Variants in ASAP3 observed in about 807,000 individuals in gnomAD.
ASAP3 encodes the protein ArfGAP with SH3 domain, ankyrin repeat and PH domain 3, also known as arf-GAP with SH3 domain, ANK repeat and PH domain-containing protein 3.
ASAP3 carries 85 observed loss-of-function variants against 118.2 expected under a neutral mutation model. The observed-to-expected ratio is 0.72, with a 90% CI of 0.60 to 0.86. ASAP3 has a LOEUF of 0.86. Ranked by LOEUF, ASAP3 falls within the 40% of genes least tolerant of loss-of-function variation. The pLI, the probability that ASAP3 is intolerant of heterozygous loss-of-function variation, is 0.00. For synonymous variants in ASAP3, 432 were observed against 477.4 expected, an observed-to-expected ratio of 0.90 and a Z score of 1.24; for missense variants, 1,026 against 1,175.0, an observed-to-expected ratio of 0.87 and a Z score of 1.85.
rs977348978 is a variant in ASAP3, at chr1:23,434,375, G to A, written c.1836-6C>T. 1.2e-6 allele frequency: 2 copies of A among 1,614,104 alleles called. No individual in the cohort carries two copies. The highest frequency in any genetic ancestry group is 1.3e-5 in the African/African-American group (1 of 75,036). On this transcript the variant is annotated splice_polypyrimidine_tract_variant and splice_region_variant and intron_variant, in intron 18 of 24. Coordinates refer to ENST00000336689, the MANE Select transcript of ASAP3 (RefSeq NM_017707.4). ...CCTTGGCATCCAGGTGACCACTGGG[G>A]AGAGGAGGGTTCAGGGAGAAAGGAA... is the stretch of plus-strand genomic sequence containing the variant.
rs377437701 is a variant in ASAP3, at chr1:23,484,176, C to A, written c.-43G>T. The A allele has an allele frequency of 1.9e-3, 2,364 of 1,238,804 alleles. 35 individuals are homozygous for A. In the African/African-American group the frequency reaches 0.032, roughly 17 times the overall value. 76.7% of individuals were successfully genotyped at this position (1,238,804 alleles called of 1,614,324 possible). On this transcript the variant is annotated 5_prime_UTR_variant, in exon 1 of 25. Coordinates refer to ENST00000336689, the MANE Select transcript of ASAP3 (RefSeq NM_017707.4). ...AGCTGCCGGAGCGGGGCGCGGGGGG[C>A]ACTGAGCTGCTCCGCGCTGAGCCGG... is the stretch of plus-strand genomic sequence containing the variant.
intron 1 of ASAP3, among the ~76,000 whole-genome samples, chr1:23,476,353 CAA>C (rs796975962): frequency 3.1e-5 from 4 of 130,364 alleles, no homozygotes; most frequent in Admixed American, 7.7e-5. Flanking sequence ...CCCAATCAAA[CAA>C]AAAAAAAAAA....
Position 23,436,524 on chromosome 1 carries a change from T to C in ASAP3, c.1571+36A>G, listed in dbSNP as rs1640660666. ...TGGACACTGCGGAGGCAGAATCCCC[T>C]AGGCAGGGTGCCCCTCTCTCTGAGA... On this transcript the variant is annotated intron_variant, in intron 16 of 24. Transcript: ENST00000336689. The surrounding 1 kb of genome is among the most constrained non-coding windows in gnomAD (Gnocchi z 4.2). 4.4e-6 allele frequency: 7 copies of C among 1,608,408 alleles called. No homozygotes were observed. Among genetic ancestry groups the C allele is most frequent in the Non-Finnish European group, 6.0e-6 (7 of 1,174,850 alleles).
intron 1 of ASAP3, among the ~76,000 whole-genome samples, chr1:23,463,989 TTTG>T (rs1366984619): frequency 2.6e-5 from 4 of 152,026 alleles, no homozygotes; most frequent in Non-Finnish European, 5.9e-5. Flanking sequence ...CTTACTGTGG[TTTG>T]TTTTCTGCCT....
intron 1 of ASAP3, among the ~76,000 whole-genome samples, chr1:23,456,764 A>G (rs1641401300): frequency 6.6e-6 from 1 of 152,178 alleles, no homozygotes; most frequent in Non-Finnish European, 1.5e-5. Context: ...ATGTCAGGAC[A>G]AGGAGGAAGA....
chr1:23,437,392 A>C lies in ASAP3; in HGVS notation c.1151+32T>G. The C allele has an allele frequency of 6.2e-7, 1 of 1,612,744 alleles. No individual in the cohort carries two copies. Among genetic ancestry groups the C allele is most frequent in the Non-Finnish European group, 8.5e-7 (1 of 1,179,316 alleles). On this transcript the variant is annotated intron_variant, in intron 13 of 24. Coordinates refer to ENST00000336689, the MANE Select transcript of ASAP3 (RefSeq NM_017707.4). The surrounding 1 kb of genome is among the most constrained non-coding windows in gnomAD (Gnocchi z 6.1). The stretch of plus-strand genomic sequence containing the variant: ...ATAGGGCCGCCGGCCCCCACCCACA[A>C]GGCTGGCCGGGCTGGCCGAGGGGGC...
chr1:23,442,095 CAA>C, intron 7 of ASAP3, 89 bp downstream of exon 7: 1 of 1,372,550 alleles, frequency 7.3e-7, no homozygotes, highest in Non-Finnish European at 1.0e-6. Context: ...TGCAGGCCTC[CAA>C]AGAGACTCTC....
chr1:23,447,419 A>C (rs570795449), intron 5 of ASAP3, among the ~76,000 whole-genome samples: 2 of 152,362 alleles, frequency 1.3e-5, no homozygotes, highest in African/African-American at 4.8e-5. Flanking sequence ...GAAAAAGCAC[A>C]GATTACATTT....
chr1:23,455,150 G>A (rs1008690669), intron 3 of ASAP3, among the ~76,000 whole-genome samples: 13 of 152,172 alleles, frequency 8.5e-5, no homozygotes, highest in African/African-American at 1.9e-4. Flanking sequence ...GTGTGACCTC[G>A]GGCAAGCTGC....
chr1:23,462,390 C>T (rs1232744409), intron 1 of ASAP3, among the ~76,000 whole-genome samples: 1 of 151,876 alleles, frequency 6.6e-6, no homozygotes, highest in African/African-American at 2.4e-5. Context: ...AGATACCATT[C>T]CCGTCCCTAC....
intron 1 of ASAP3, among the ~76,000 whole-genome samples, chr1:23,467,795 C>CA (rs1212813444): frequency 2.0e-5 from 3 of 150,944 alleles, no homozygotes; most frequent in African/African-American, 7.3e-5. Flanking sequence ...ACTAAAAATA[C>CA]AAAAAAAATT....
rs1463153733 is a variant in ASAP3, at chr1:23,438,262, C to T, written c.1102+485G>A. On this transcript the variant is annotated intron_variant, in intron 12 of 24. Coordinates refer to ENST00000336689, the MANE Select transcript of ASAP3 (RefSeq NM_017707.4). The surrounding 1 kb of genome is among the most constrained non-coding windows in gnomAD (Gnocchi z 4.9). ...GCTATATCTGCACCCATCTTCTGGA[C>T]AGCCCCCTCATCTTACAGTCCTGGG... Among the ~76,000 whole-genome samples, 1 of 152,146 alleles carries T rather than the reference C, an allele frequency of 6.6e-6. No individual in the cohort carries two copies. Among genetic ancestry groups the T allele is most frequent in the African/African-American group, 2.4e-5 (1 of 41,430 alleles).
Position 23,441,098 on chromosome 1 carries a change from T to G in ASAP3, c.944+4A>C, listed in dbSNP as rs1396672013. Reference sequence around the variant, plus strand: ...GCAAATTATGTAAGCTCTGAATCACTTACCCGTCACTTTTCTTGTATAGAA... The same window carrying G: ...GCAAATTATGTAAGCTCTGAATCACGTACCCGTCACTTTTCTTGTATAGAA... On this transcript the variant is annotated splice_donor_region_variant and intron_variant, in intron 10 of 24. Coordinates refer to ENST00000336689, the MANE Select transcript of ASAP3 (RefSeq NM_017707.4). The G allele has an allele frequency of 1.9e-6, 3 of 1,613,782 alleles. No homozygotes were observed. The highest frequency in any genetic ancestry group is 2.5e-6 in the Non-Finnish European group (3 of 1,179,796).
intron 1 of ASAP3, among the ~76,000 whole-genome samples, chr1:23,478,676 C>T (rs377029752): frequency 2.0e-5 from 3 of 151,864 alleles, no homozygotes; most frequent in African/African-American, 4.8e-5. Flanking sequence ...AGAAGAATGG[C>T]GTGAACCTGG....
rs1640766184 is a variant in ASAP3 at position 23,438,834 on chromosome 1, T to C, written c.1015A>G (p.Ile339Val). ...YGCLTISHST[I>V]NRPPVKLTLL... ...GTCAGCTTCACCGGGGGCCGGTTTATCTGTGGGAATTTAGGGGCGGAGGAT... is the reference window on the plus strand; with the variant it reads ...GTCAGCTTCACCGGGGGCCGGTTTACCTGTGGGAATTTAGGGGCGGAGGAT... Residue 339 changes from isoleucine to valine, a missense_variant and splice_region_variant, in exon 12 of 25, where the codon ATA (isoleucine) becomes GTA (valine). Coordinates refer to ENST00000336689, the MANE Select transcript of ASAP3 (RefSeq NM_017707.4). The surrounding 1 kb of genome is among the most constrained non-coding windows in gnomAD (Gnocchi z 4.9). 1 of 1,614,216 alleles carries C rather than the reference T, an allele frequency of 6.2e-7. No homozygotes were observed. Among genetic ancestry groups the C allele is most frequent in the East Asian group, 2.2e-5 (1 of 44,884 alleles).
intron 1 of ASAP3, among the ~76,000 whole-genome samples, chr1:23,470,465 G>A: frequency 6.6e-6 from 1 of 152,176 alleles, no homozygotes; most frequent in Non-Finnish European, 1.5e-5. Context: ...CCCCTACGGT[G>A]GCTACACTGC....
At chr1:23,481,081 C>T (rs998005458) in intron 1 of ASAP3, among the ~76,000 whole-genome samples, 3 of 152,170 alleles carry the variant, frequency 2.0e-5, no homozygotes, top group Non-Finnish European at 4.4e-5. Flanking sequence ...TGCTAACTTT[C>T]CCACTATCCA....
At chr1:23,449,506 C>G (rs1422440986) in intron 5 of ASAP3, among the ~76,000 whole-genome samples, 2 of 152,170 alleles carry the variant, frequency 1.3e-5, no homozygotes, top group Non-Finnish European at 2.9e-5. Flanking sequence ...CTGGGCCCTT[C>G]CAGCTGGGGC....
Position 23,436,132 on chromosome 1 carries a change from T to G in ASAP3, c.1572-104A>C. 2 of 1,309,532 alleles carry G rather than the reference T, an allele frequency of 1.5e-6. No individual in the cohort carries two copies. The highest frequency in any genetic ancestry group is 2.2e-6 in the Non-Finnish European group (2 of 930,120). 81.1% of individuals were successfully genotyped at this position (1,309,532 alleles called of 1,614,324 possible). On this transcript the variant is annotated intron_variant, in intron 16 of 24. Transcript: ENST00000336689. The surrounding 1 kb of genome is among the most constrained non-coding windows in gnomAD (Gnocchi z 4.2). ...ACAGCTCTCTTTTTCTCCAGAACCATGTCCTGAAGACGTCTAGATCTGAGG... is the reference window on the plus strand; with the variant it reads ...ACAGCTCTCTTTTTCTCCAGAACCAGGTCCTGAAGACGTCTAGATCTGAGG...
Sources: gnomAD v4.1 joint callset for allele counts (sites outside exome capture counted in the v4.1 genomes callset) on GRCh38, gnomAD v4.1.1 for gene constraint, Gnocchi (gnomAD v3.1) non-coding constraint, MANE v1.5 for transcripts, NCBI Gene and HGNC (gene_info 2026-07-23, HGNC 2026-07-21) for gene names.